SLC14A2: variants seen among roughly 807,000 people sequenced by gnomAD.
The protein encoded by SLC14A2 is urea transporter 2.
In SLC14A2, 91 loss-of-function variants were observed where a neutral mutation model predicts 104.6. That is an observed-to-expected ratio of 0.87 (90% confidence interval 0.73 to 1.04). The LOEUF (loss-of-function observed/expected upper bound fraction) is 1.04, where lower values mean the gene tolerates loss of function less well. Ranked by LOEUF, SLC14A2 falls within the 50% of genes least tolerant of loss-of-function variation. SLC14A2 has a pLI of 0.00. For missense variants in SLC14A2, 1,189 were observed against 1,156.0 expected (o/e 1.03, Z -0.41); for synonymous variants, 476 against 466.4 (o/e 1.02, Z -0.27).
Position 45,663,841 on chromosome 18 carries a change from G to A in SLC14A2, c.1408G>A (p.Ala470Thr). Residue 470 changes from alanine (A) to threonine (T), a missense_variant, in exon 11 of 20, where the codon GCT (alanine) becomes ACT (threonine). Coordinates refer to ENST00000255226, the MANE Select transcript of SLC14A2 (RefSeq NM_007163.4). ...CCCAAAGGTGGAGGAGGGCTCGGAG[G>A]CTGTGCTCTCCAAGCACAGGAGTGT... ...AGPKVEEGSE[A>T]VLSKHRSVFH... 3 of 1,612,888 alleles carry A rather than the reference G, an allele frequency of 1.9e-6. No homozygotes were observed. The East Asian group carries it at 6.7e-5, about 36-fold the overall frequency.
chr18:45,656,220 G>A (rs538476656), intron 10 of SLC14A2, among the ~76,000 whole-genome samples: 2 of 152,320 alleles, frequency 1.3e-5, no homozygotes, highest in South Asian at 2.1e-4. Flanking sequence ...CATCCATATG[G>A]CCAAATAAGC....
intron 1 of SLC14A2, among the ~76,000 whole-genome samples, chr18:45,344,077 T>C (rs950440024): frequency 2.0e-5 from 3 of 152,224 alleles, no homozygotes; most frequent in Admixed American, 6.5e-5. Context: ...GAAAGCCCTC[T>C]GTGTAATTGT....
chr18:45,349,326 C>T (rs762123234), intron 1 of SLC14A2, among the ~76,000 whole-genome samples: 1 of 152,126 alleles, frequency 6.6e-6, no homozygotes, highest in Non-Finnish European at 1.5e-5. Flanking sequence ...CCTTTGTAGC[C>T]ACATGAGAAT....
Position 45,682,400 on chromosome 18 carries a change from T to TACAA in SLC14A2, c.2645_2648dup (p.Leu884GlnfsTer44). ...CCTGACGACCAATAACCCCGCCATC[T>TACAA]ACAAGCTCCCGCTCAGCAAAGTCAC... is the stretch of plus-strand genomic sequence containing the variant. On this transcript the variant is annotated frameshift_variant, in exon 20 of 20. Transcript: ENST00000255226. LOFTEE classifies it high-confidence loss of function. 1 of 1,614,182 alleles carries TACAA rather than the reference T, an allele frequency of 6.2e-7. No homozygotes were observed. The highest frequency in any genetic ancestry group is 8.5e-7 in the Non-Finnish European group (1 of 1,180,020).
intron 1 of SLC14A2, among the ~76,000 whole-genome samples, chr18:45,227,894 T>TAAATTTC (rs112018658): frequency 0.11 from 17,161 of 152,216 alleles, 975 homozygotes; most frequent in Non-Finnish European, 0.12. Context: ...TTTAATTTGC[T>TAAATTTC]AAAGTATTTA....
intron 1 of SLC14A2, among the ~76,000 whole-genome samples, chr18:45,474,359 C>T (rs1035926494): frequency 6.6e-6 from 1 of 152,014 alleles, no homozygotes; most frequent in African/African-American, 2.4e-5. Flanking sequence ...GTGTGTCTGC[C>T]AGGTTTTGGT....
chr18:45,503,846 T>A (rs571916221), intron 2 of SLC14A2, among the ~76,000 whole-genome samples: 1 of 152,298 alleles, frequency 6.6e-6, no homozygotes, highest in South Asian at 2.1e-4. Flanking sequence ...AAGATACCAC[T>A]GGAAGTAGGT....
chr18:45,285,056 A>G (rs2084799899), intron 1 of SLC14A2, among the ~76,000 whole-genome samples: 3 of 152,164 alleles, frequency 2.0e-5, no homozygotes, highest in African/African-American at 4.8e-5. Flanking sequence ...CAAAATTAGT[A>G]TAGAGATTTC....
upstream of SLC14A2, among the ~76,000 whole-genome samples, chr18:45,212,806 G>T (rs1165572657): frequency 1.3e-5 from 2 of 152,132 alleles, no homozygotes; most frequent in Non-Finnish European, 2.9e-5. Context: ...ACTTTAGTCC[G>T]TTGGTACTGT....
chr18:45,327,654 GCTT>G (rs78904504), intron 1 of SLC14A2, among the ~76,000 whole-genome samples: 7,011 of 152,184 alleles, frequency 0.046, 283 homozygotes, highest in African/African-American at 0.11. Flanking sequence ...TTTGTGTCTG[GCTT>G]CTTTCACACA....
chr18:45,475,650 T>TATATATATATATATATTTAGG (rs2087355247), intron 1 of SLC14A2, among the ~76,000 whole-genome samples: 2 of 23,574 alleles, frequency 8.5e-5, no homozygotes, highest in Admixed American at 3.0e-4. Flanking sequence ...AGGATATATA[T>TATATATATATATATATTTAGG]ATATATATAT....
chr18:45,629,163 G>T (rs563294583), intron 4 of SLC14A2, among the ~76,000 whole-genome samples: 2 of 152,216 alleles, frequency 1.3e-5, no homozygotes, highest in Admixed American at 1.3e-4. Flanking sequence ...TGTAACCAAC[G>T]TCAGGCCCAG....
rs1488022880 is a variant in SLC14A2, at chr18:45,279,376, T to G, written c.-125+66185T>G. Among the ~76,000 whole-genome samples the G allele has an allele frequency of 2.0e-5, 3 of 152,198 alleles. No individual in the cohort carries two copies. The East Asian group carries it at 5.8e-4, about 29-fold the overall frequency. On this transcript the variant is annotated intron_variant, in intron 1 of 20. Transcript: ENST00000586448. Reference sequence around the variant, plus strand: ...TGCTCAGGTCTTCCTCATATATCACTTTGAGGGCTTGCAGTAAAAAGGGAT... The same window carrying G: ...TGCTCAGGTCTTCCTCATATATCACGTTGAGGGCTTGCAGTAAAAAGGGAT...
the SLC14A2 span, among the ~76,000 whole-genome samples, chr18:45,200,136 G>A: frequency 2.0e-5 from 3 of 151,886 alleles, no homozygotes; most frequent in African/African-American, 7.3e-5. Flanking sequence ...ATAAATAAAT[G>A]TATTACATTC....
intron 1 of SLC14A2, among the ~76,000 whole-genome samples, chr18:45,285,865 C>G (rs1292603984): frequency 1.3e-5 from 2 of 152,166 alleles, no homozygotes; most frequent in African/African-American, 4.8e-5. Context: ...TACATTTCCT[C>G]AGAACAGTGG....
At chr18:45,477,518 G>A (rs890415986) in intron 1 of SLC14A2, among the ~76,000 whole-genome samples, 1 of 152,302 alleles carries the variant, frequency 6.6e-6, no homozygotes, top group East Asian at 1.9e-4. Flanking sequence ...GCTGTGCTGG[G>A]AGATCTGCTG....
At chr18:45,459,600 A>T (rs1833410) in intron 1 of SLC14A2, among the ~76,000 whole-genome samples, 89,692 of 151,974 alleles carry the variant, frequency 0.59, 26,604 homozygotes, top group South Asian at 0.76. Flanking sequence ...AGCATATACC[A>T]CCTGCAGCCT....
chr18:45,421,113 A>G (rs763218454), intron 1 of SLC14A2, among the ~76,000 whole-genome samples: 1 of 152,188 alleles, frequency 6.6e-6, no homozygotes, highest in South Asian at 2.1e-4. Context: ...CCAAGAATAC[A>G]TTATTTACAT....
intron 7 of SLC14A2, among the ~76,000 whole-genome samples, chr18:45,640,517 G>A (rs1021079073): frequency 6.6e-5 from 10 of 152,134 alleles, no homozygotes; most frequent in Admixed American, 2.0e-4. Flanking sequence ...TGCTACCTGT[G>A]TATATGTATG....
Sources: allele counts gnomAD v4.1 joint callset (sites outside exome capture counted in the v4.1 genomes callset), GRCh38; gene constraint gnomAD v4.1.1; transcripts MANE v1.5; gene names NCBI Gene and HGNC (gene_info 2026-07-23, HGNC 2026-07-21).